TFPI: variants seen among roughly 807,000 people sequenced by gnomAD.
TFPI encodes the protein tissue factor pathway inhibitor, also known as anti-convertin.
In TFPI, 15 loss-of-function variants were observed where a neutral mutation model predicts 34.6. The ratio of observed to expected loss-of-function variants is 0.43; its 90% CI spans 0.29 to 0.67. The LOEUF is 0.67. TFPI is among the 30% of genes least tolerant of loss of function. TFPI has a pLI of 0.15. For synonymous variants in TFPI, 105 were observed against 120.1 expected, an observed-to-expected ratio of 0.87 and a Z score of 0.82; for missense variants, 301 against 364.0, an observed-to-expected ratio of 0.83 and a Z score of 1.41.
intron 1 of TFPI, among the ~76,000 whole-genome samples, chr2:187,538,787 G>A (rs957897474): frequency 3.9e-5 from 6 of 152,044 alleles, no homozygotes; most frequent in African/African-American, 1.4e-4. Flanking sequence ...TTTAATGGCT[G>A]CATAATATTT....
chr2:187,479,497 T>A (rs913521707), intron 6 of TFPI, among the ~76,000 whole-genome samples: 27 of 144,674 alleles, frequency 1.9e-4, no homozygotes, highest in African/African-American at 6.6e-4. Context: ...ACAGCCTGGT[T>A]TGCCTAAGCC....
intron 6 of TFPI, chr2:187,478,805 T>A: frequency 6.2e-7 from 1 of 1,609,444 alleles, no homozygotes; most frequent in African/African-American, 1.3e-5. Flanking sequence ...CTTTTGTAAC[T>A]GTGGATCACA....
intron 3 of TFPI, among the ~76,000 whole-genome samples, chr2:187,490,000 A>C (rs549595076): frequency 6.6e-6 from 1 of 151,644 alleles, no homozygotes; most frequent in Non-Finnish European, 1.5e-5. Context: ...TTTCCATTCT[A>C]GTACTCTTTT....
intron 2 of TFPI, among the ~76,000 whole-genome samples, chr2:187,501,889 A>C (rs1685875458): frequency 6.6e-6 from 1 of 152,162 alleles, no homozygotes; most frequent in Non-Finnish European, 1.5e-5. Context: ...GACTGTTAAA[A>C]AAATCATCTA....
chr2:187,520,230 C>G (rs1309158926), intron 1 of TFPI, among the ~76,000 whole-genome samples: 1 of 152,108 alleles, frequency 6.6e-6, no homozygotes, highest in Non-Finnish European at 1.5e-5. Flanking sequence ...GGTGTCTGCA[C>G]AAATGGCTTC....
At chr2:187,477,751 A>G (rs1485130603) in intron 6 of TFPI, among the ~76,000 whole-genome samples, 1 of 152,224 alleles carries the variant, frequency 6.6e-6, no homozygotes. Context: ...GGCTAGTGAT[A>G]ACAAAAATCT....
intron 1 of TFPI, among the ~76,000 whole-genome samples, chr2:187,510,851 G>C (rs1686576551): frequency 6.6e-6 from 1 of 152,160 alleles, no homozygotes; most frequent in Non-Finnish European, 1.5e-5. Flanking sequence ...GGGGAGCTCG[G>C]CTTTTGAGAT....
chr2:187,478,635 G>C, intron 6 of TFPI: 1 of 1,601,966 alleles, frequency 6.2e-7, no homozygotes, highest in Non-Finnish European at 8.5e-7. Flanking sequence ...AAGGCATCAC[G>C]TATACATATA....
Position 187,467,051 on chromosome 2 carries a change from G to A in TFPI, c.809-9C>T, listed in dbSNP as rs760348217. On this transcript the variant is annotated splice_polypyrimidine_tract_variant and intron_variant, in intron 7 of 7. Transcript: ENST00000233156. The stretch of plus-strand genomic sequence containing the variant: ...TATTCTTTGGATGAAACCTATAAGA[G>A]GAAGAGGAATAAATTAATGTGTGAT... 6.8e-7 allele frequency: 1 copy of A among 1,481,306 alleles called. No homozygotes were observed. Among genetic ancestry groups the A allele is most frequent in the South Asian group, 1.2e-5 (1 of 81,392 alleles). 91.8% of individuals were successfully genotyped at this position (1,481,306 alleles called of 1,614,324 possible). A position where few individuals can be genotyped will look rare whatever the true frequency, so the allele number is the denominator to read the frequency against.
intron 1 of TFPI, among the ~76,000 whole-genome samples, chr2:187,526,334 G>A (rs1687674339): frequency 6.6e-6 from 1 of 152,082 alleles, no homozygotes. Context: ...AGGTCTCAAT[G>A]TAAAAGACAT....
chr2:187,536,467 G>C (rs1305885669), intron 1 of TFPI, among the ~76,000 whole-genome samples: 2 of 152,134 alleles, frequency 1.3e-5, no homozygotes, highest in Non-Finnish European at 2.9e-5. Flanking sequence ...CACATAAACA[G>C]AATCAATGAC....
chr2:187,498,257 C>G (rs1482489348), intron 2 of TFPI, among the ~76,000 whole-genome samples: 1 of 151,644 alleles, frequency 6.6e-6, no homozygotes, highest in African/African-American at 2.4e-5. Context: ...CAAAAGAAAT[C>G]AGTTTTAAAT....
intron 1 of TFPI, among the ~76,000 whole-genome samples, chr2:187,526,049 T>C (rs972072991): frequency 6.6e-6 from 1 of 152,154 alleles, no homozygotes; most frequent in Non-Finnish European, 1.5e-5. Flanking sequence ...AGAATTAGAA[T>C]AGTGACTAGC....
intron 1 of TFPI, 80 bp from the exon 2 acceptor site, chr2:187,503,850 G>A: frequency 6.8e-7 from 1 of 1,473,498 alleles, no homozygotes. Flanking sequence ...CATCATATGT[G>A]TACCTCATAT....
At chr2:187,498,336 A>C (rs1157528183) in intron 2 of TFPI, among the ~76,000 whole-genome samples, 6 of 151,804 alleles carry the variant, frequency 4.0e-5, no homozygotes, top group African/African-American at 1.4e-4. Flanking sequence ...TAAATTAGAT[A>C]ATTTTATTAA....
At chr2:187,473,712 T>C (rs1692191882) in intron 6 of TFPI, among the ~76,000 whole-genome samples, 1 of 151,182 alleles carries the variant, frequency 6.6e-6, no homozygotes. Context: ...TATTCATTAA[T>C]CAGGAGAAGT....
intron 6 of TFPI, among the ~76,000 whole-genome samples, chr2:187,478,967 TC>T: frequency 6.6e-6 from 1 of 152,046 alleles, no homozygotes; most frequent in Non-Finnish European, 1.5e-5. Flanking sequence ...AAACACAATA[TC>T]TAATAGTACA....
chr2:187,484,717 C>T, intron 5 of TFPI, 94 bp downstream of exon 5: 1 of 1,180,690 alleles, frequency 8.5e-7, no homozygotes, highest in Non-Finnish European at 1.2e-6. Context: ...TTGCATGGCT[C>T]AAACAAAACC....
At chr2:187,531,701 C>T (rs749866624) in intron 1 of TFPI, among the ~76,000 whole-genome samples, 1 of 151,934 alleles carries the variant, frequency 6.6e-6, no homozygotes, top group East Asian at 1.9e-4. Flanking sequence ...TAGAAATTGA[C>T]CATTTTATTT....
Sources: gnomAD v4.1 joint callset for allele counts (sites outside exome capture counted in the v4.1 genomes callset) on GRCh38, gnomAD v4.1.1 for gene constraint, MANE v1.5 for transcripts, NCBI Gene and HGNC (gene_info 2026-07-23, HGNC 2026-07-21) for gene names.